Variants in GRM8 observed in about 807,000 individuals in gnomAD.
The protein encoded by GRM8 is glutamate metabotropic receptor 8, also known as metabotropic glutamate receptor 8.
Under a neutral mutation model 87.2 loss-of-function variants are expected in GRM8, and 47 were observed. The observed-to-expected ratio is 0.54, with a 90% confidence interval of 0.43 to 0.69. GRM8 has a LOEUF of 0.69. Ranked by LOEUF, GRM8 falls within the 30% of genes least tolerant of loss-of-function variation. The pLI, the probability that GRM8 is intolerant of heterozygous loss-of-function variation, is 0.00. For missense variants in GRM8, 1,019 were observed against 1,139.2 expected (o/e 0.89, Z 1.52); for synonymous variants, 396 against 404.5 (o/e 0.98, Z 0.25).
At chr7:127,251,560 T>A (rs1798869128) in intron 1 of GRM8, among the ~76,000 whole-genome samples, 1 of 152,096 alleles carries the variant, frequency 6.6e-6, no homozygotes, top group African/African-American at 2.4e-5. Context: ...CCTTGGGCTG[T>A]TGAAGCCGGG....
chr7:126,915,596 C>T (rs1803806772), intron 3 of GRM8, among the ~76,000 whole-genome samples: 1 of 152,182 alleles, frequency 6.6e-6, no homozygotes, highest in African/African-American at 2.4e-5. Flanking sequence ...GATATGTTGC[C>T]TCTTCTTACC....
intron 3 of GRM8, among the ~76,000 whole-genome samples, chr7:126,987,617 CG>C (rs1812231652): frequency 6.6e-6 from 1 of 152,002 alleles, no homozygotes; most frequent in Non-Finnish European, 1.5e-5. Context: ...CCTGCCACCA[CG>C]CCCGGCTAAT....
At chr7:127,205,412 C>T (rs1587271710) in intron 2 of GRM8, among the ~76,000 whole-genome samples, 1 of 152,162 alleles carries the variant, frequency 6.6e-6, no homozygotes, top group South Asian at 2.1e-4. Context: ...TTGAAGCCTT[C>T]CCCAGCCAAT....
At chr7:127,144,025 C>G (rs1408648038) in intron 2 of GRM8, among the ~76,000 whole-genome samples, 1 of 152,100 alleles carries the variant, frequency 6.6e-6, no homozygotes, top group African/African-American at 2.4e-5. Context: ...AACTCCCAGC[C>G]TCACTGCTTA....
intron 2 of GRM8, among the ~76,000 whole-genome samples, chr7:127,220,396 C>T (rs577115428): frequency 6.6e-6 from 1 of 152,316 alleles, no homozygotes; most frequent in South Asian, 2.1e-4. Flanking sequence ...ATAAGCCTTC[C>T]ATCTAATGAA....
intron 8 of GRM8, among the ~76,000 whole-genome samples, chr7:126,579,036 T>C (rs1375932935): frequency 1.3e-5 from 2 of 152,068 alleles, no homozygotes; most frequent in African/African-American, 4.8e-5. Flanking sequence ...TTACGTAAAG[T>C]AGGTATGAAA....
At chr7:127,052,007 G>A (rs1306916026) in intron 3 of GRM8, among the ~76,000 whole-genome samples, 2 of 152,100 alleles carry the variant, frequency 1.3e-5, no homozygotes, top group African/African-American at 4.8e-5. Flanking sequence ...GTTAAGATGT[G>A]ACCTGGGGAG....
At chr7:127,019,263 G>A (rs1816015708) in intron 3 of GRM8, among the ~76,000 whole-genome samples, 1 of 151,934 alleles carries the variant, frequency 6.6e-6, no homozygotes, top group South Asian at 2.1e-4. Context: ...ATTGAAAACT[G>A]GTATATTTAA....
chr7:126,531,722 A>C (rs1464858612), intron 9 of GRM8, among the ~76,000 whole-genome samples: 1 of 152,248 alleles, frequency 6.6e-6, no homozygotes, highest in African/African-American at 2.4e-5. Flanking sequence ...AGTTTGCTGA[A>C]GTACATTATT....
intron 8 of GRM8, among the ~76,000 whole-genome samples, chr7:126,559,835 G>A (rs1192085283): frequency 6.7e-6 from 1 of 148,564 alleles, no homozygotes; most frequent in Non-Finnish European, 1.5e-5. Flanking sequence ...AGAATAGTGA[G>A]TTTACTGCCT....
intron 2 of GRM8, among the ~76,000 whole-genome samples, chr7:127,135,716 A>T (rs1827913652): frequency 6.6e-6 from 1 of 150,744 alleles, no homozygotes; most frequent in Non-Finnish European, 1.5e-5. Flanking sequence ...CAGAGAGATT[A>T]TATTTACATT....
chr7:127,194,664 A>T (rs1795192157), intron 2 of GRM8, among the ~76,000 whole-genome samples: 1 of 152,124 alleles, frequency 6.6e-6, no homozygotes, highest in Admixed American at 6.6e-5. Flanking sequence ...AGTCATCTGA[A>T]CTCTCATTTA....
chr7:127,041,081 C>T (rs1421583833), intron 3 of GRM8, among the ~76,000 whole-genome samples: 1 of 152,138 alleles, frequency 6.6e-6, no homozygotes, highest in East Asian at 1.9e-4. Context: ...GAAAGTAGTT[C>T]CTTTAAATGA....
At chr7:126,587,396 T>TA (rs1415267451) in intron 8 of GRM8, among the ~76,000 whole-genome samples, 3 of 152,192 alleles carry the variant, frequency 2.0e-5, no homozygotes, top group African/African-American at 7.2e-5. Context: ...ATTGCGGCAC[T>TA]ATTCACAATA....
intron 3 of GRM8, among the ~76,000 whole-genome samples, chr7:126,928,083 C>G (rs1332889747): frequency 6.6e-6 from 1 of 151,970 alleles, no homozygotes. Context: ...ATGGATGACG[C>G]TGGAAATCAT....
chr7:126,577,172 AGG>A (rs1795189787), intron 8 of GRM8, among the ~76,000 whole-genome samples: 1 of 152,178 alleles, frequency 6.6e-6, no homozygotes, highest in South Asian at 2.1e-4. Flanking sequence ...AGGAGAGCAG[AGG>A]TTTAGGTTAT....
intron 8 of GRM8, among the ~76,000 whole-genome samples, chr7:126,582,040 C>A (rs978193182): frequency 1.3e-5 from 2 of 152,102 alleles, no homozygotes; most frequent in Non-Finnish European, 2.9e-5. Context: ...AAAGACATAT[C>A]TAACTTTAAA....
At chr7:126,534,640 A>G (rs1036739297) in intron 8 of GRM8, among the ~76,000 whole-genome samples, 3 of 152,114 alleles carry the variant, frequency 2.0e-5, no homozygotes, top group Non-Finnish European at 2.9e-5. Context: ...TTAAAATCCA[A>G]CCTTATGCTT....
intron 3 of GRM8, among the ~76,000 whole-genome samples, chr7:127,040,939 C>A (rs967986550): frequency 1.8e-4 from 27 of 152,216 alleles, no homozygotes; most frequent in African/African-American, 6.5e-4. Context: ...TATAACTAAT[C>A]TGACATGTAA....
Sources: allele counts gnomAD v4.1 joint callset (sites outside exome capture counted in the v4.1 genomes callset), GRCh38; gene constraint gnomAD v4.1.1; transcripts MANE v1.5; gene names NCBI Gene and HGNC (gene_info 2026-07-23, HGNC 2026-07-21).